Variants in KCNIP4 observed in about 807,000 individuals in gnomAD.
The protein encoded by KCNIP4 is potassium voltage-gated channel interacting protein 4.
KCNIP4 carries 12 observed loss-of-function variants against 34.0 expected under a neutral mutation model. The observed-to-expected ratio is 0.35, with a 90% CI of 0.23 to 0.57. The LOEUF (loss-of-function observed/expected upper bound fraction) is 0.57. Ranked by LOEUF, KCNIP4 falls within the 20% of genes least tolerant of loss-of-function variation. The pLI, the probability that KCNIP4 is intolerant of heterozygous loss-of-function variation, is 0.83. For missense variants in KCNIP4, 238 were observed against 311.7 expected, an observed-to-expected ratio of 0.76 and a Z score of 1.78; for synonymous variants, 124 against 102.2, an observed-to-expected ratio of 1.21 and a Z score of -1.29.
chr4:21,895,285 T>C (rs567626986), intron 1 of KCNIP4, among the ~76,000 whole-genome samples: 95 of 152,326 alleles, frequency 6.2e-4, no homozygotes, highest in Non-Finnish European at 1.1e-3. Flanking sequence ...GATTTCAACA[T>C]TTCTTTTTCT....
intron 1 of KCNIP4, among the ~76,000 whole-genome samples, chr4:21,722,972 C>A (rs541492720): frequency 7.0e-4 from 106 of 152,174 alleles, no homozygotes; most frequent in African/African-American, 2.5e-3. Context: ...GGTCTTCAGA[C>A]AAAAACAAAC....
At chr4:21,861,656 C>CAAAA (rs59277001) in intron 1 of KCNIP4, among the ~76,000 whole-genome samples, 3,678 of 101,148 alleles carry the variant, frequency 0.036, 161 homozygotes, top group Middle Eastern at 0.064. Context: ...GACTCCGTCT[C>CAAAA]AAAAAAAAAA....
chr4:20,734,704 C>T lies in KCNIP4; in HGVS notation c.461G>A (p.Arg154Gln), dbSNP rs775684119. The stretch of plus-strand genomic sequence containing the variant: ...ATTGAGTTTTTCTTGTACTGTCCCC[C>T]GGAGCAAAATGGAAAGACCTTTGAT... The part of the protein sequence containing the change: ...DFIKGLSILL[R>Q]GTVQEKLNWA... Residue 154 changes from arginine (R) to glutamine (Q), a missense_variant, in exon 6 of 9, where the codon CGG becomes CAG. Coordinates refer to ENST00000382152, the MANE Select transcript of KCNIP4 (RefSeq NM_025221.6). The T allele has an allele frequency of 7.5e-6, 12 of 1,590,082 alleles. No individual in the cohort carries two copies. The highest frequency in any genetic ancestry group is 2.3e-5 in the East Asian group (1 of 44,174).
intron 1 of KCNIP4, among the ~76,000 whole-genome samples, chr4:21,459,303 T>G (rs952056092): frequency 6.6e-6 from 1 of 152,066 alleles, no homozygotes; most frequent in Non-Finnish European, 1.5e-5. Flanking sequence ...GGTTGAAGGA[T>G]CCCTCCTGGA....
chr4:21,257,767 A>G (rs200167416), intron 1 of KCNIP4, among the ~76,000 whole-genome samples: 1 of 90,254 alleles, frequency 1.1e-5, no homozygotes, highest in Non-Finnish European at 1.8e-5. Context: ...AAAAAAAAAG[A>G]AAGAAAGAAA....
intron 1 of KCNIP4, among the ~76,000 whole-genome samples, chr4:21,909,496 C>T (rs946726971): frequency 3.9e-5 from 6 of 152,046 alleles, no homozygotes; most frequent in African/African-American, 1.4e-4. Flanking sequence ...CTTTCTGCTG[C>T]TTGTTTATTT....
At chr4:21,810,717 C>T (rs200338751) in intron 1 of KCNIP4, among the ~76,000 whole-genome samples, 3 of 122,828 alleles carry the variant, frequency 2.4e-5, no homozygotes, top group Non-Finnish European at 5.2e-5. Flanking sequence ...AAAAAAAAAT[C>T]AGAGAGAATT....
At chr4:21,446,239 A>G (rs1211000044) in intron 1 of KCNIP4, among the ~76,000 whole-genome samples, 1 of 152,254 alleles carries the variant, frequency 6.6e-6, no homozygotes, top group Non-Finnish European at 1.5e-5. Context: ...ATCTAGAACT[A>G]GAAATACCAT....
intron 1 of KCNIP4, among the ~76,000 whole-genome samples, chr4:21,143,196 A>T (rs1034450712): frequency 1.3e-5 from 2 of 152,198 alleles, no homozygotes; most frequent in African/African-American, 4.8e-5. Flanking sequence ...ATCTACATAA[A>T]CTTAATCTAA....
intron 1 of KCNIP4, among the ~76,000 whole-genome samples, chr4:21,006,770 G>A (rs773026566): frequency 6.6e-6 from 1 of 152,182 alleles, no homozygotes; most frequent in African/African-American, 2.4e-5. Flanking sequence ...ATGTGTCTGT[G>A]TCATGTAACA....
intron 1 of KCNIP4, among the ~76,000 whole-genome samples, chr4:21,695,133 C>T (rs916627131): frequency 6.6e-6 from 1 of 152,002 alleles, no homozygotes; most frequent in South Asian, 2.1e-4. Flanking sequence ...TCATTAATTA[C>T]TAGCTAAGGG....
At chr4:21,902,276 AAAT>A (rs999638664) in intron 1 of KCNIP4, among the ~76,000 whole-genome samples, 5 of 152,136 alleles carry the variant, frequency 3.3e-5, no homozygotes, top group Admixed American at 2.6e-4. Context: ...TTTATATTAC[AAAT>A]ATTTTTGGTA....
At chr4:20,948,363 C>T (rs79226753) in intron 1 of KCNIP4, among the ~76,000 whole-genome samples, 366 of 152,318 alleles carry the variant, frequency 2.4e-3, no homozygotes, top group African/African-American at 5.2e-3. Flanking sequence ...TCAATTAATT[C>T]AGCCAGAGTT....
rs528755609 is a variant in KCNIP4 at position 21,724,331 on chromosome 4, C to CT, written c.61+224239dup. On this transcript the variant is annotated intron_variant, in intron 1 of 8. Transcript: ENST00000382152. ...CCCACAAAATATTTTCTTGGCCTCT[C>CT]TGAGTCTCAAAGCCATCTATATAAC... is the stretch of plus-strand genomic sequence containing the variant. Among the ~76,000 whole-genome samples, 187 of 151,714 alleles carry CT rather than the reference C, an allele frequency of 1.2e-3. 1 individual carries two copies. Among genetic ancestry groups the CT allele is most frequent in the African/African-American group, 4.3e-3 (177 of 41,452 alleles).
At chr4:20,890,711 GAAGT>G (rs1439098937) in intron 1 of KCNIP4, among the ~76,000 whole-genome samples, 2 of 152,042 alleles carry the variant, frequency 1.3e-5, no homozygotes, top group African/African-American at 4.8e-5. Context: ...ACGATAAAAT[GAAGT>G]AATACAAAAA....
In KCNIP4 at chr4:21,234,450, A is replaced by AG; in HGVS notation, c.62-351742_62-351741insC. Among the ~76,000 whole-genome samples the AG allele has an allele frequency of 1.5e-5, 2 of 129,768 alleles. 1 individual carries two copies. Among genetic ancestry groups the AG allele is most frequent in the African/African-American group, 6.2e-5 (2 of 32,310 alleles). 85.1% of individuals were successfully genotyped at this position (129,768 alleles called of 152,430 possible). ...ATTACATATAACGTATATAATATAT[A>AG]TTACATATAACGTATATAATATATA... is the stretch of plus-strand genomic sequence containing the variant. On this transcript the variant is annotated intron_variant, in intron 1 of 8. Coordinates refer to ENST00000382152, the MANE Select transcript of KCNIP4 (RefSeq NM_025221.6).
Position 20,757,444 on chromosome 4 carries a change from G to A in KCNIP4, c.358+1377C>T, listed in dbSNP as rs529120434. Among the ~76,000 whole-genome samples the A allele has an allele frequency of 3.3e-5, 5 of 152,142 alleles. 1 individual carries two copies. The South Asian group carries it at 1.0e-3, about 32-fold the overall frequency. On this transcript the variant is annotated intron_variant, in intron 4 of 8. Coordinates refer to ENST00000382152, the MANE Select transcript of KCNIP4 (RefSeq NM_025221.6). Reference sequence around the variant, plus strand: ...AAGATCCCACTTAAACTTATCAGTGGCTTTGCATCACCTCAAGGATAAAGT... The same window carrying A: ...AAGATCCCACTTAAACTTATCAGTGACTTTGCATCACCTCAAGGATAAAGT...
At chr4:21,828,975 C>A (rs746531933) in intron 1 of KCNIP4, among the ~76,000 whole-genome samples, 10 of 151,440 alleles carry the variant, frequency 6.6e-5, no homozygotes, top group South Asian at 2.1e-4. Context: ...AGGGGAAAAG[C>A]AATATGGGAT....
chr4:21,257,622 C>A (rs370330227), intron 1 of KCNIP4, among the ~76,000 whole-genome samples: 1 of 151,770 alleles, frequency 6.6e-6, no homozygotes, highest in Admixed American at 6.6e-5. Flanking sequence ...TGGTGGCATG[C>A]GACTGTAGTC....
Sources: allele counts gnomAD v4.1 joint callset (sites outside exome capture counted in the v4.1 genomes callset), GRCh38; gene constraint gnomAD v4.1.1; transcripts MANE v1.5; gene names NCBI Gene and HGNC (gene_info 2026-07-23, HGNC 2026-07-21).